The following GHR variants were observed in gnomAD, a reference collection of about 807,000 sequenced individuals.
GHR encodes GH receptor.
Under a neutral mutation model 67.1 loss-of-function variants are expected in GHR, and 35 were observed. That is an observed-to-expected ratio of 0.52 (90% CI 0.40 to 0.69). GHR has a LOEUF of 0.69. Among genes scored for constraint, GHR ranks in the 30% least tolerant of loss-of-function variants. The pLI is 0.00. For synonymous variants in GHR, 272 were observed against 269.1 expected, an observed-to-expected ratio of 1.01 and a Z score of -0.10; for missense variants, 792 against 764.6, an observed-to-expected ratio of 1.04 and a Z score of -0.42.
At chr5:42,607,258 G>C (rs893528876) in intron 2 of GHR, among the ~76,000 whole-genome samples, 3 of 152,122 alleles carry the variant, frequency 2.0e-5, no homozygotes, top group African/African-American at 7.2e-5. Context: ...TTTCTTTCTA[G>C]CAGGGTGAAA....
chr5:42,469,094 T>C (rs1744882300), intron 1 of GHR, among the ~76,000 whole-genome samples: 1 of 152,246 alleles, frequency 6.6e-6, no homozygotes, highest in Non-Finnish European at 1.5e-5. Flanking sequence ...AATACTATTG[T>C]AGAAAGAAGC....
intron 1 of GHR, among the ~76,000 whole-genome samples, chr5:42,471,528 C>A (rs1745010723): frequency 6.6e-6 from 1 of 152,158 alleles, no homozygotes; most frequent in South Asian, 2.1e-4. Context: ...GGTAGCATAG[C>A]CTAGTGGTTA....
chr5:42,594,939 G>T (rs919528249), intron 2 of GHR, among the ~76,000 whole-genome samples: 1 of 152,024 alleles, frequency 6.6e-6, no homozygotes, highest in Non-Finnish European at 1.5e-5. Flanking sequence ...CCAAATAGTA[G>T]CTTAATATTA....
rs35457239 is a variant in GHR, at chr5:42,584,786, T to TAC, written c.70+18871_70+18872dup. On this transcript the variant is annotated intron_variant, in intron 2 of 9. Transcript: ENST00000230882. ...TATTCAGCTTCTTAACTAGAATGTA[T>TAC]ACACACACACACACACACACACACA... Among the ~76,000 whole-genome samples, 871 of 148,116 alleles carry TAC rather than the reference T, an allele frequency of 5.9e-3. 5 individuals carry two copies. The highest frequency in any genetic ancestry group is 0.025 in the East Asian group (124 of 5,054).
intron 2 of GHR, among the ~76,000 whole-genome samples, chr5:42,581,000 CT>C (rs1393772673): frequency 6.6e-6 from 1 of 152,210 alleles, no homozygotes; most frequent in Non-Finnish European, 1.5e-5. Flanking sequence ...TATTTTCCTT[CT>C]GCTTCCTGCA....
chr5:42,514,590 C>T (rs1328340940), intron 1 of GHR, among the ~76,000 whole-genome samples: 1 of 152,034 alleles, frequency 6.6e-6, no homozygotes, highest in Admixed American at 6.6e-5. Flanking sequence ...TGGGGCAGGG[C>T]CTAAGAAAGA....
intron 2 of GHR, among the ~76,000 whole-genome samples, chr5:42,609,985 G>C (rs1752811814): frequency 6.6e-6 from 1 of 152,120 alleles, no homozygotes. Flanking sequence ...AGGCATGAAA[G>C]GGCCTTGACA....
chr5:42,704,559 TAGC>T (rs1311990210), intron 6 of GHR, among the ~76,000 whole-genome samples: 1 of 152,034 alleles, frequency 6.6e-6, no homozygotes. Context: ...AGGGTAATGC[TAGC>T]ATCAAGAAAT....
chr5:42,510,472 G>A (rs1296207630), intron 1 of GHR, among the ~76,000 whole-genome samples: 4 of 152,206 alleles, frequency 2.6e-5, no homozygotes, highest in South Asian at 2.1e-4. Flanking sequence ...CTGCTATAAC[G>A]CTATTTATGT....
chr5:42,570,237 G>A (rs1166884761), intron 2 of GHR, among the ~76,000 whole-genome samples: 2 of 152,292 alleles, frequency 1.3e-5, no homozygotes, highest in South Asian at 4.1e-4. Context: ...GGGGAAAAAA[G>A]CCACAGAGCT....
chr5:42,557,686 C>T (rs532683617), intron 1 of GHR, among the ~76,000 whole-genome samples: 128 of 152,290 alleles, frequency 8.4e-4, no homozygotes, highest in African/African-American at 3.0e-3. Flanking sequence ...AGCCCACCCT[C>T]TCTGTAAATG....
Position 42,718,516 on chromosome 5 carries a change from C to G in GHR, c.1009C>G (p.His337Asp), listed in dbSNP as rs1266601616. Reference sequence around the variant, plus strand: ...TCATGATAGCTATAAACCCGAATTCCACAGTGATGACTCTTGGGTTGAATT... The same window carrying G: ...TCATGATAGCTATAAACCCGAATTCGACAGTGATGACTCTTGGGTTGAATT... Reference protein sequence around the residue: ...AIHDSYKPEFHSDDSWVEFIE... With the variant: ...AIHDSYKPEFDSDDSWVEFIE... The change falls in exon 10 of 10, where the codon CAC (histidine) becomes GAC (aspartate). Residue 337 changes from histidine to aspartate, a missense_variant. Physicochemically the swap from His to Asp is moderately conservative, Grantham distance 81. Coordinates refer to ENST00000230882, the MANE Select transcript of GHR (RefSeq NM_000163.5). 1 of 1,613,174 alleles carries G rather than the reference C, an allele frequency of 6.2e-7. No homozygotes were observed.
chr5:42,594,878 T>C (rs1446753252), intron 2 of GHR, among the ~76,000 whole-genome samples: 2 of 152,160 alleles, frequency 1.3e-5, no homozygotes, highest in Non-Finnish European at 2.9e-5. Flanking sequence ...TCATGTCTTG[T>C]AGGCTCTGGA....
Position 42,718,970 on chromosome 5 carries a change from C to A in GHR, c.1463C>A (p.Ala488Asp). The A allele has an allele frequency of 1.2e-6, 2 of 1,612,658 alleles. No individual in the cohort carries two copies. The highest frequency in any genetic ancestry group is 1.7e-6 in the Non-Finnish European group (2 of 1,179,098). The change falls in exon 10 of 10, where the codon GCC becomes GAC. Residue 488 changes from alanine to aspartate, a missense_variant. Physicochemically the swap from Ala to Asp is moderately radical, Grantham distance 126. Transcript: ENST00000230882. ...TCACTGTCAAACATCGACTTTTATG[C>A]CCAGGTGAGCGACATTACACCAGCA... is the stretch of plus-strand genomic sequence containing the variant. ...PSSLSNIDFY[A>D]QVSDITPAGS...
At chr5:42,631,412 T>A (rs182575978) in intron 3 of GHR, among the ~76,000 whole-genome samples, 1 of 152,340 alleles carries the variant, frequency 6.6e-6, no homozygotes, top group Admixed American at 6.5e-5. Flanking sequence ...AGTGGGCACC[T>A]ATCATAGTGC....
chr5:42,696,704 C>T (rs766515309), intron 5 of GHR, among the ~76,000 whole-genome samples: 10 of 152,070 alleles, frequency 6.6e-5, no homozygotes, highest in Non-Finnish European at 1.5e-4. Context: ...TTAACTGTCA[C>T]GAGGTACCTT....
At chr5:42,432,044 A>T (rs1188626879) in intron 1 of GHR, among the ~76,000 whole-genome samples, 2 of 152,136 alleles carry the variant, frequency 1.3e-5, no homozygotes, top group Non-Finnish European at 2.9e-5. Flanking sequence ...ATGGTTGACA[A>T]CCTACTGTGC....
At position 42,555,831 on chromosome 5, in the gene GHR, C is replaced by T. The variant is rs529739082; in HGVS notation, c.-11-10033C>T. 1.1e-4 allele frequency among the ~76,000 whole-genome samples: 16 copies of T among 152,232 alleles called. 1 individual carries two copies. In the South Asian group the frequency reaches 3.1e-3, roughly 30 times the overall value. ...AGAAAGACAAGGAGCCTGGTAACGT[C>T]GGGACATGAATAGCCGTCAATGAAA... On this transcript the variant is annotated intron_variant, in intron 1 of 9. Transcript: ENST00000230882.
At chr5:42,487,613 A>G (rs1369042872) in intron 1 of GHR, among the ~76,000 whole-genome samples, 1 of 148,980 alleles carries the variant, frequency 6.7e-6, no homozygotes, top group Non-Finnish European at 1.5e-5. Context: ...TCCTAGATGC[A>G]GTTTATTTAC....
Sources: gnomAD v4.1 joint callset for allele counts (sites outside exome capture counted in the v4.1 genomes callset) on GRCh38, gnomAD v4.1.1 for gene constraint, MANE v1.5 for transcripts, NCBI Gene and HGNC (gene_info 2026-07-23, HGNC 2026-07-21) for gene names.